NFIC: variants seen among roughly 807,000 people sequenced by gnomAD.
NFIC encodes nuclear factor 1 C-type.
In NFIC, 12 loss-of-function variants were observed where a neutral mutation model predicts 54.4. That is an observed-to-expected ratio of 0.22 (90% CI 0.14 to 0.36). The LOEUF (loss-of-function observed/expected upper bound fraction) is 0.36, where lower values mean the gene tolerates loss of function less well. Ranked by LOEUF, NFIC falls within the 10% of genes least tolerant of loss-of-function variation. NFIC has a pLI of 1.00. For synonymous variants in NFIC, 322 were observed against 319.2 expected, an observed-to-expected ratio of 1.01 and a Z score of -0.09; for missense variants, 575 against 718.2, an observed-to-expected ratio of 0.80 and a Z score of 2.28.
chr19:3,407,727 C>T (rs773742898), intron 2 of NFIC, among the ~76,000 whole-genome samples: 1 of 152,226 alleles, frequency 6.6e-6, no homozygotes, highest in Non-Finnish European at 1.5e-5. Context: ...AGCCACCGCG[C>T]CCGGGTGAAC....
chr19:3,464,858 C>G lies in NFIC; in HGVS notation c.*2089C>G. On this transcript the variant is annotated 3_prime_UTR_variant, in exon 11 of 11. Transcript: ENST00000443272. ...GGCCCTTGGGGATCAAAGCGTGGGC[C>G]GCTCTCCGGGAGGGCGGGCGGGGGA... is the stretch of plus-strand genomic sequence containing the variant. The G allele has an allele frequency of 3.7e-6, 1 of 266,804 alleles. No homozygotes were observed. Among genetic ancestry groups the G allele is most frequent in the Non-Finnish European group, 5.7e-6 (1 of 173,942 alleles). The allele number at this position is 266,804 out of a possible 1,614,324, so 16.5% of individuals were successfully genotyped here. A position where few individuals can be genotyped will look rare whatever the true frequency, so the allele number is the denominator to read the frequency against.
intron 6 of NFIC, among the ~76,000 whole-genome samples, chr19:3,438,937 A>T (rs2082248985): frequency 2.0e-5 from 3 of 152,168 alleles, no homozygotes; most frequent in Admixed American, 1.3e-4. Context: ...GAACAAGAGG[A>T]CCCTGATAGA....
At position 3,467,778 on chromosome 19, in the gene NFIC, T is replaced by TAC. The variant is rs2082736325; in HGVS notation, c.*5010_*5011insCA. On this transcript the variant is annotated 3_prime_UTR_variant, in exon 11 of 11. Coordinates refer to ENST00000443272, the MANE Select transcript of NFIC (RefSeq NM_001245002.2). ...CTATACATATATATATATATATATA[T>TAC]ATATATATATAATTTTGGAATTTGT... 7.3e-6 allele frequency: 1 copy of TAC among 136,214 alleles called. No individual in the cohort carries two copies. Among genetic ancestry groups the TAC allele is most frequent in the East Asian group, 2.4e-4 (1 of 4,146 alleles). The allele number at this position is 136,214 out of a possible 1,614,324, so 8.4% of individuals were successfully genotyped here.
Position 3,387,632 on chromosome 19 carries a change from G to T in NFIC, c.562+5389G>T, listed in dbSNP as rs534743847. On this transcript the variant is annotated intron_variant, in intron 2 of 10. Coordinates refer to ENST00000443272, the MANE Select transcript of NFIC (RefSeq NM_001245002.2). Reference sequence around the variant, plus strand: ...TCTGAGGAGGCGTCTTTGAGGTGAGGCTTGAAGGGGGTGAGGGAGTCTGGA... The same window carrying T: ...TCTGAGGAGGCGTCTTTGAGGTGAGTCTTGAAGGGGGTGAGGGAGTCTGGA... Among the ~76,000 whole-genome samples, 7 of 152,234 alleles carry T rather than the reference G, an allele frequency of 4.6e-5. No individual in the cohort carries two copies. In the East Asian group the frequency reaches 1.4e-3, roughly 29 times the overall value.
intron 2 of NFIC, among the ~76,000 whole-genome samples, chr19:3,402,199 C>T (rs560701513): frequency 1.3e-5 from 2 of 152,314 alleles, no homozygotes; most frequent in East Asian, 3.9e-4. Flanking sequence ...GCATGTGCCA[C>T]TATAGCCAGC....
chr19:3,433,446 G>A, intron 3 of NFIC, 72 bp from the exon 4 acceptor site: 1 of 1,540,460 alleles, frequency 6.5e-7, no homozygotes, highest in Non-Finnish European at 8.9e-7. Flanking sequence ...CAGGAGTCCA[G>A]GCAGCCCTGG....
intron 10 of NFIC, 48 bp from the exon 11 acceptor site, chr19:3,462,704 C>T (rs1292426098): frequency 2.1e-5 from 33 of 1,603,990 alleles, no homozygotes; most frequent in Non-Finnish European, 2.7e-5. Context: ...CCCTCGACTT[C>T]TCTCCCTTTT....
upstream of NFIC, among the ~76,000 whole-genome samples, chr19:3,361,626 A>T (rs924987699): frequency 6.6e-6 from 1 of 151,852 alleles, no homozygotes; most frequent in Admixed American, 6.5e-5. Context: ...AAGGAGAGAA[A>T]ACCCTCCCAC....
At chr19:3,359,684 T>C in exon 1 of NFIC, 1 of 1,415,338 alleles carries the variant, frequency 7.1e-7, no homozygotes, top group Non-Finnish European at 9.3e-7. Flanking sequence ...AGCAGCGCCA[T>C]GGTACGTCGC....
intron 1 of NFIC, among the ~76,000 whole-genome samples, chr19:3,368,595 A>G (rs1187875128): frequency 1.3e-5 from 2 of 152,138 alleles, no homozygotes; most frequent in African/African-American, 4.8e-5. Flanking sequence ...TCCCAAGTGC[A>G]GGGGGCTCCC....
At chr19:3,397,883 C>G (rs1387773737) in intron 2 of NFIC, among the ~76,000 whole-genome samples, 1 of 152,194 alleles carries the variant, frequency 6.6e-6, no homozygotes, top group African/African-American at 2.4e-5. Flanking sequence ...AGCTGTGTAC[C>G]TACACACCCT....
Position 3,458,149 on chromosome 19 carries a change from C to T in NFIC, c.1509+1514C>T, listed in dbSNP as rs1339186005. Among the ~76,000 whole-genome samples, 2 of 152,210 alleles carry T rather than the reference C, an allele frequency of 1.3e-5. No homozygotes were observed. Among genetic ancestry groups the T allele is most frequent in the Non-Finnish European group, 2.9e-5 (2 of 68,032 alleles). ...CGTAAATATTAAGTACCCTGCCTTG[C>T]ACCCATAGAGCCCCGGAGAGGGAGT... On this transcript the variant is annotated intron_variant, in intron 10 of 10. Transcript: ENST00000443272. This position sits in a 1 kb window ranked among gnomAD's most constrained non-coding sequence, Gnocchi z 4.1.
intron 2 of NFIC, among the ~76,000 whole-genome samples, chr19:3,419,984 A>G (rs1026128365): frequency 6.6e-6 from 1 of 151,876 alleles, no homozygotes; most frequent in Admixed American, 6.6e-5. Context: ...CACTTTCCCC[A>G]TTTCTATTGA....
At chr19:3,434,115 G>A (rs189712108) in intron 4 of NFIC, among the ~76,000 whole-genome samples, 162 bp from the exon 5 acceptor site, 84 of 152,278 alleles carry the variant, frequency 5.5e-4, no homozygotes, top group Admixed American at 6.5e-5. Context: ...TTGGTCCTCT[G>A]ATCCATAGAA....
chr19:3,436,040 C>G (rs1352820213), intron 6 of NFIC, among the ~76,000 whole-genome samples: 1 of 152,020 alleles, frequency 6.6e-6, no homozygotes, highest in East Asian at 1.9e-4. Flanking sequence ...GTTGGTCAGG[C>G]TGGTCTCAAA....
upstream of NFIC, among the ~76,000 whole-genome samples, chr19:3,362,868 A>T (rs2080827837): frequency 6.6e-6 from 1 of 151,790 alleles, no homozygotes; most frequent in Non-Finnish European, 1.5e-5. Context: ...TATGTCCTTT[A>T]TTCTCTGGGT....
chr19:3,460,078 A>G (rs1210871105), intron 10 of NFIC, among the ~76,000 whole-genome samples: 2 of 152,112 alleles, frequency 1.3e-5, no homozygotes, highest in African/African-American at 4.8e-5. Context: ...TCCCCAAATG[A>G]CGTGACCTTG....
At chr19:3,406,982 G>C (rs1314756007) in intron 2 of NFIC, among the ~76,000 whole-genome samples, 1 of 149,292 alleles carries the variant, frequency 6.7e-6, no homozygotes, top group South Asian at 2.2e-4. Flanking sequence ...TGTGTGGCTG[G>C]AGCAGAGTGA....
Position 3,469,153 on chromosome 19 carries a change from CAAA to C in NFIC, c.*6385_*6387del, listed in dbSNP as rs1568212917. ...ATTCCATAAAAGATTCAATAAAAGA[CAAA>C]CAAAAAAAAAAGAAAAAAGAAAAAA... is the stretch of plus-strand genomic sequence containing the variant. On this transcript the variant is annotated 3_prime_UTR_variant, in exon 11 of 11. Transcript: ENST00000443272. 2.0e-5 allele frequency: 3 copies of C among 150,228 alleles called. No homozygotes were observed. Among genetic ancestry groups the C allele is most frequent in the Admixed American group, 6.6e-5 (1 of 15,156 alleles). 9.3% of individuals were successfully genotyped at this position (150,228 alleles called of 1,614,324 possible).
Sources: gnomAD v4.1 joint callset for allele counts (sites outside exome capture counted in the v4.1 genomes callset) on GRCh38, gnomAD v4.1.1 for gene constraint, Gnocchi (gnomAD v3.1) non-coding constraint, MANE v1.5 for transcripts, NCBI Gene and HGNC (gene_info 2026-07-23, HGNC 2026-07-21) for gene names.